MACROD2: variants seen among roughly 807,000 people sequenced by gnomAD.
MACROD2 encodes the protein ADP-ribose glycohydrolase MACROD2.
In MACROD2, 36 loss-of-function variants were observed where a neutral mutation model predicts 70.4. The observed-to-expected ratio is 0.51, with a 90% confidence interval of 0.39 to 0.68. The LOEUF is 0.68. Ranked by LOEUF, MACROD2 falls within the 30% of genes least tolerant of loss-of-function variation. The pLI, the probability that MACROD2 is intolerant of heterozygous loss-of-function variation, is 0.00. For synonymous variants in MACROD2, 172 were observed against 178.8 expected (o/e 0.96, Z 0.30); for missense variants, 496 against 538.4 (o/e 0.92, Z 0.78).
intron 3 of MACROD2, among the ~76,000 whole-genome samples, chr20:14,359,452 A>G (rs1441398146): frequency 1.3e-5 from 2 of 152,246 alleles, no homozygotes; most frequent in Non-Finnish European, 2.9e-5. Context: ...ATGATTCATC[A>G]ATCCCAATAC....
chr20:14,045,941 TGAA>T (rs1445003484), intron 2 of MACROD2, among the ~76,000 whole-genome samples: 3 of 152,196 alleles, frequency 2.0e-5, no homozygotes, highest in Non-Finnish European at 4.4e-5. Context: ...TTAATTAACT[TGAA>T]GACAGATTTG....
intron 8 of MACROD2, among the ~76,000 whole-genome samples, chr20:15,727,652 A>G (rs1020733589): frequency 1.9e-4 from 29 of 152,064 alleles, no homozygotes; most frequent in African/African-American, 6.7e-4. Context: ...GAGACCTTTC[A>G]TCTCTCTGGT....
chr20:15,961,467 A>C (rs1168933391), intron 12 of MACROD2, among the ~76,000 whole-genome samples: 2 of 152,136 alleles, frequency 1.3e-5, no homozygotes, highest in Non-Finnish European at 1.5e-5. Context: ...ACTCAGCCAC[A>C]CTTTCCAAGT....
At position 16,006,651 on chromosome 20, in the gene MACROD2, G is replaced by A. The variant is rs150608318; in HGVS notation, c.1153+19493G>A. Among the ~76,000 whole-genome samples the A allele has an allele frequency of 1.2e-3, 179 of 152,174 alleles. 1 individual carries two copies. The Middle Eastern group carries it at 0.037, about 32-fold the overall frequency. On this transcript the variant is annotated intron_variant, in intron 15 of 17. Coordinates refer to ENST00000684519, the MANE Select transcript of MACROD2 (RefSeq NM_001351661.2). ...GTGTGTGAAGCACAGATTGTTGGTG[G>A]GATGTTAAGAGAGGGGCCCAGGCTC...
chr20:15,611,563 T>C (rs994709073), intron 8 of MACROD2, among the ~76,000 whole-genome samples: 3 of 152,024 alleles, frequency 2.0e-5, no homozygotes, highest in African/African-American at 4.8e-5. Flanking sequence ...ATAGTTATTT[T>C]AGTAGAGTAG....
intron 8 of MACROD2, among the ~76,000 whole-genome samples, chr20:15,775,724 G>A (rs765806164): frequency 4.6e-5 from 7 of 152,204 alleles, no homozygotes; most frequent in African/African-American, 9.6e-5. Context: ...GAAGGTCAGC[G>A]AATTCATCTC....
intron 8 of MACROD2, among the ~76,000 whole-genome samples, chr20:15,793,845 A>G (rs2063647877): frequency 6.8e-6 from 1 of 147,438 alleles, no homozygotes; most frequent in African/African-American, 2.5e-5. Flanking sequence ...TATATAAATA[A>G]ATATATAATT....
At chr20:15,274,487 T>G (rs1306259996) in intron 6 of MACROD2, among the ~76,000 whole-genome samples, 1 of 152,244 alleles carries the variant, frequency 6.6e-6, no homozygotes, top group African/African-American at 2.4e-5. Context: ...CCCCCTGTCT[T>G]TCACCTCACA....
At chr20:14,993,911 T>A (rs1178871707) in intron 5 of MACROD2, among the ~76,000 whole-genome samples, 4 of 152,340 alleles carry the variant, frequency 2.6e-5, no homozygotes, top group Non-Finnish European at 4.4e-5. Flanking sequence ...AGATTTTTTT[T>A]AAAGTTGGTT....
At chr20:14,015,869 A>G (rs1319584946) in intron 2 of MACROD2, among the ~76,000 whole-genome samples, 1 of 152,190 alleles carries the variant, frequency 6.6e-6, no homozygotes, top group Non-Finnish European at 1.5e-5. Flanking sequence ...CTGTTTATCC[A>G]TTTAACTGTT....
chr20:14,210,173 A>G (rs2081558945), intron 3 of MACROD2, among the ~76,000 whole-genome samples: 1 of 152,216 alleles, frequency 6.6e-6, no homozygotes, highest in African/African-American at 2.4e-5. Flanking sequence ...ATCAAGCTGT[A>G]AAATTCTAAG....
In MACROD2 at chr20:15,114,124, T is replaced by C. The variant is rs568580527; in HGVS notation, c.419-115816T>C. On this transcript the variant is annotated intron_variant, in intron 5 of 17. Coordinates refer to ENST00000684519, the MANE Select transcript of MACROD2 (RefSeq NM_001351661.2). ...AGGCTGGCTTTGAGAGAGGTGAATG[T>C]GCATCTTCCTCAGGACCACAGTTGT... Among the ~76,000 whole-genome samples, 6 of 152,306 alleles carry C rather than the reference T, an allele frequency of 3.9e-5. No homozygotes were observed. In the South Asian group the frequency reaches 1.2e-3, roughly 32 times the overall value.
chr20:15,715,225 AT>A (rs750489205), intron 8 of MACROD2, among the ~76,000 whole-genome samples: 9 of 149,932 alleles, frequency 6.0e-5, no homozygotes, highest in Non-Finnish European at 1.3e-4. Context: ...TTTTAGTGTG[AT>A]TAAAAAAAAA....
chr20:15,162,851 T>C (rs1268197370), intron 5 of MACROD2, among the ~76,000 whole-genome samples: 4 of 152,034 alleles, frequency 2.6e-5, no homozygotes, highest in Admixed American at 2.6e-4. Context: ...TGAAATAATA[T>C]CAAAGAGGTT....
At chr20:14,220,543 C>CAGGAA (rs1296869842) in intron 3 of MACROD2, among the ~76,000 whole-genome samples, 1 of 152,170 alleles carries the variant, frequency 6.6e-6, no homozygotes, top group Non-Finnish European at 1.5e-5. Context: ...CAGTTCTGGC[C>CAGGAA]AGGAGGCTTC....
chr20:14,755,802 G>A (rs1344413077), intron 5 of MACROD2, among the ~76,000 whole-genome samples: 1 of 151,808 alleles, frequency 6.6e-6, no homozygotes, highest in African/African-American at 2.4e-5. Context: ...AAATTAAGAG[G>A]AAATAAATAT....
At chr20:14,483,279 C>T (rs1356003604) in intron 3 of MACROD2, among the ~76,000 whole-genome samples, 1 of 152,196 alleles carries the variant, frequency 6.6e-6, no homozygotes. Context: ...TTAGAATTAT[C>T]ATGGGGACAT....
intron 5 of MACROD2, among the ~76,000 whole-genome samples, chr20:15,133,535 A>C (rs1175958427): frequency 6.6e-6 from 1 of 152,180 alleles, no homozygotes; most frequent in Non-Finnish European, 1.5e-5. Flanking sequence ...TCCAGAGTGG[A>C]TATATTGATA....
chr20:15,045,571 T>C (rs2075386752), intron 5 of MACROD2, among the ~76,000 whole-genome samples: 1 of 152,146 alleles, frequency 6.6e-6, no homozygotes, highest in Admixed American at 6.6e-5. Context: ...TAAATCATGA[T>C]TTGATTCATA....
Sources: gnomAD v4.1 joint callset for allele counts (sites outside exome capture counted in the v4.1 genomes callset) on GRCh38, gnomAD v4.1.1 for gene constraint, MANE v1.5 for transcripts, NCBI Gene and HGNC (gene_info 2026-07-23, HGNC 2026-07-21) for gene names.